NFXL1: variants seen among roughly 807,000 people sequenced by gnomAD.
NFXL1 encodes nuclear transcription factor, X-box binding like 1, also known as NF-X1-type zinc finger protein NFXL1.
In NFXL1, 66 loss-of-function variants were observed where a neutral mutation model predicts 123.3. The observed-to-expected ratio is 0.54, with a 90% CI of 0.44 to 0.66. The LOEUF is 0.66. NFXL1 is among the 30% of genes least tolerant of loss of function. NFXL1 has a pLI of 0.00. For synonymous variants in NFXL1, 346 were observed against 360.8 expected, an observed-to-expected ratio of 0.96 and a Z score of 0.46; for missense variants, 944 against 1,125.6, an observed-to-expected ratio of 0.84 and a Z score of 2.31.
In NFXL1 at chr4:47,914,464, T is replaced by C; in HGVS notation, c.-102A>G. On this transcript the variant is annotated 5_prime_UTR_variant, in exon 1 of 23. Coordinates refer to ENST00000507489, the MANE Select transcript of NFXL1 (RefSeq NM_001278624.2). The stretch of plus-strand genomic sequence containing the variant: ...AAACCGCGGAGCAAGAAGCACACAG[T>C]GCCGAAGACAGAAAGCCGGAGGAGA... The C allele has an allele frequency of 2.5e-6, 1 of 406,818 alleles. No homozygotes were observed. 25.2% of individuals were successfully genotyped at this position (406,818 alleles called of 1,614,324 possible).
chr4:47,897,913 T>C (rs1737179023), intron 9 of NFXL1, 54 bp downstream of exon 9: 1 of 1,146,802 alleles, frequency 8.7e-7, no homozygotes, highest in Non-Finnish European at 1.2e-6. Flanking sequence ...TGAATGTCTT[T>C]TCATGGCTTG....
At chr4:47,913,342 C>T (rs1737936008) in intron 2 of NFXL1, among the ~76,000 whole-genome samples, 1 of 152,106 alleles carries the variant, frequency 6.6e-6, no homozygotes, top group Admixed American at 6.5e-5. Context: ...CAGATATGTC[C>T]ACAGAAGGAC....
intron 15 of NFXL1, among the ~76,000 whole-genome samples, chr4:47,879,473 G>T (rs945774330): frequency 2.6e-5 from 4 of 152,054 alleles, no homozygotes; most frequent in African/African-American, 9.7e-5. Flanking sequence ...AGTTATGAAG[G>T]CTCAAAATTA....
intron 18 of NFXL1, among the ~76,000 whole-genome samples, chr4:47,870,687 G>C (rs1044017636): frequency 2.0e-5 from 3 of 152,132 alleles, no homozygotes; most frequent in South Asian, 4.1e-4. Flanking sequence ...AGAGAGCCTA[G>C]AAGCAATGAA....
intron 17 of NFXL1, 154 bp from the exon 18 acceptor site, chr4:47,875,447 C>G: frequency 2.1e-6 from 1 of 469,058 alleles, no homozygotes; most frequent in South Asian, 5.8e-5. Context: ...TCTCATTTAT[C>G]TTAAAAATAT....
intron 11 of NFXL1, among the ~76,000 whole-genome samples, chr4:47,891,179 T>C (rs1736750297): frequency 6.6e-6 from 1 of 151,336 alleles, no homozygotes; most frequent in Admixed American, 6.6e-5. Context: ...TGGCACAGTC[T>C]TGACTGACTG....
At position 47,899,552 on chromosome 4, in the gene NFXL1, C is replaced by T; in HGVS notation, c.648-4G>A. ...GTATTCAAACCTACATTTTGGACTA[C>T]AAAGAAGAAGAAAATTATTAAAGCT... On this transcript the variant is annotated splice_polypyrimidine_tract_variant and splice_region_variant and intron_variant, in intron 5 of 22. Transcript: ENST00000507489. The T allele has an allele frequency of 6.3e-7, 1 of 1,592,620 alleles. No individual in the cohort carries two copies. Among genetic ancestry groups the T allele is most frequent in the Non-Finnish European group, 8.6e-7 (1 of 1,162,684 alleles).
chr4:47,879,220 A>C, intron 15 of NFXL1, 103 bp from the exon 16 acceptor site: 1 of 476,454 alleles, frequency 2.1e-6, no homozygotes, highest in Non-Finnish European at 3.7e-6. Flanking sequence ...ATACATATGG[A>C]ATAAGCAATT....
intron 19 of NFXL1, among the ~76,000 whole-genome samples, chr4:47,857,285 A>C (rs1270802002): frequency 6.6e-6 from 1 of 152,076 alleles, no homozygotes; most frequent in Non-Finnish European, 1.5e-5. Context: ...AATCAACATC[A>C]CTTCATCCCC....
intron 14 of NFXL1, among the ~76,000 whole-genome samples, chr4:47,884,975 A>C (rs569932990): frequency 1.3e-5 from 2 of 151,988 alleles, no homozygotes; most frequent in East Asian, 3.9e-4. Context: ...AAAACTACAA[A>C]AATTAGCTGG....
At chr4:47,911,225 T>A (rs1737814473) in intron 2 of NFXL1, among the ~76,000 whole-genome samples, 1 of 152,200 alleles carries the variant, frequency 6.6e-6, no homozygotes, top group Non-Finnish European at 1.5e-5. Flanking sequence ...AGCAAATTTT[T>A]ATGATAACGG....
intron 18 of NFXL1, among the ~76,000 whole-genome samples, chr4:47,863,768 A>G (rs1734898191): frequency 6.6e-6 from 1 of 152,230 alleles, no homozygotes; most frequent in Non-Finnish European, 1.5e-5. Flanking sequence ...TATCTCAGTG[A>G]GTAATTCAGA....
intron 17 of NFXL1, 60 bp downstream of exon 17, chr4:47,878,465 T>C: frequency 7.8e-7 from 1 of 1,275,654 alleles, no homozygotes. Flanking sequence ...ATGGTATAAC[T>C]GTTGAAAAAA....
chr4:47,860,836 A>G (rs1453251515), intron 19 of NFXL1, among the ~76,000 whole-genome samples: 1 of 151,530 alleles, frequency 6.6e-6, no homozygotes, highest in East Asian at 1.9e-4. Context: ...CAGAAACTCT[A>G]GAGGGGGGCC....
At position 47,847,430 on chromosome 4, in the gene NFXL1, C is replaced by T. The variant is rs1733874890; in HGVS notation, c.*733G>A. ...AGAAACGAGATTAAGGTACATAGAC[C>T]TCATAAGCCCTGTTGTCAGCACATA... On this transcript the variant is annotated 3_prime_UTR_variant, in exon 23 of 23. Coordinates refer to ENST00000507489, the MANE Select transcript of NFXL1 (RefSeq NM_001278624.2). The T allele has an allele frequency of 6.6e-6, 1 of 152,092 alleles. No individual in the cohort carries two copies. The highest frequency in any genetic ancestry group is 2.4e-5 in the African/African-American group (1 of 41,412). The allele number at this position is 152,092 out of a possible 1,614,324, so 9.4% of individuals were successfully genotyped here.
At chr4:47,897,732 A>G (rs984484195) in intron 9 of NFXL1, among the ~76,000 whole-genome samples, 6 of 151,926 alleles carry the variant, frequency 3.9e-5, no homozygotes, top group African/African-American at 7.3e-5. Flanking sequence ...AAAATCTTCT[A>G]TGTCTCTCCT....
chr4:47,909,730 C>T (rs893255466), intron 3 of NFXL1, among the ~76,000 whole-genome samples: 1 of 151,618 alleles, frequency 6.6e-6, no homozygotes, highest in Non-Finnish European at 1.5e-5. Flanking sequence ...GCAATCTCAG[C>T]TCACGGCAAC....
At chr4:47,886,079 T>C (rs562084610) in intron 12 of NFXL1, 80 bp from the exon 13 acceptor site, 621 of 1,247,640 alleles carry the variant, frequency 5.0e-4, no homozygotes, top group Middle Eastern at 1.2e-3. Flanking sequence ...AAATTTAGTA[T>C]ATTCACACAA....
At chr4:47,862,638 TA>T (rs946730555) in intron 19 of NFXL1, among the ~76,000 whole-genome samples, 1 of 152,056 alleles carries the variant, frequency 6.6e-6, no homozygotes, top group Non-Finnish European at 1.5e-5. Context: ...ATTGCTTTCT[TA>T]AAAAAAATCT....
Sources: allele counts gnomAD v4.1 joint callset (sites outside exome capture counted in the v4.1 genomes callset), GRCh38; gene constraint gnomAD v4.1.1; transcripts MANE v1.5; gene names NCBI Gene and HGNC (gene_info 2026-07-23, HGNC 2026-07-21).